Variants in CD200R1 observed in about 807,000 individuals in gnomAD.
CD200R1 encodes the protein CD200 receptor 1, also known as cell surface glycoprotein CD200 receptor 1.
A neutral mutation model predicts 38.1 loss-of-function variants in CD200R1; 30 were observed. The observed-to-expected ratio is 0.79, with a 90% CI of 0.59 to 1.07. The LOEUF is 1.07. Among genes scored for constraint, CD200R1 ranks in the 50% least tolerant of loss-of-function variants. The pLI is 0.00. For missense variants in CD200R1, 372 were observed against 415.4 expected, an observed-to-expected ratio of 0.90 and a Z score of 0.91; for synonymous variants, 128 against 152.1, an observed-to-expected ratio of 0.84 and a Z score of 1.16.
chr3:112,970,779 C>G (rs745633480), intron 1 of CD200R1, among the ~76,000 whole-genome samples: 2 of 152,130 alleles, frequency 1.3e-5, no homozygotes, highest in Non-Finnish European at 2.9e-5. Context: ...TATTGCCATC[C>G]TCAAGCTACT....
At chr3:112,952,225 A>C (rs931900157) in intron 1 of CD200R1, among the ~76,000 whole-genome samples, 7 of 152,108 alleles carry the variant, frequency 4.6e-5, no homozygotes, top group Non-Finnish European at 7.4e-5. Context: ...GGTTAAATTT[A>C]TCTCTTAGTA....
At chr3:112,934,632 C>G (rs1444775281) in intron 2 of CD200R1, among the ~76,000 whole-genome samples, 1 of 152,092 alleles carries the variant, frequency 6.6e-6, no homozygotes, top group South Asian at 2.1e-4. Flanking sequence ...GAGTTTGAGA[C>G]TAGCCCGGCC....
chr3:112,965,955 AG>A (rs148557697), intron 1 of CD200R1, among the ~76,000 whole-genome samples: 21,720 of 152,022 alleles, frequency 0.14, 2,221 homozygotes, highest in African/African-American at 0.29. Context: ...GCGAACAAAA[AG>A]GTTAAGAATT....
intron 7 of CD200R1, 45 bp downstream of exon 7, chr3:112,924,445 A>G (rs2107298921): frequency 7.9e-7 from 1 of 1,267,292 alleles, no homozygotes; most frequent in South Asian, 2.4e-5. Flanking sequence ...AGATTTTCAG[A>G]CTATTGGCTT....
chr3:112,953,767 G>T (rs764519447), intron 1 of CD200R1, among the ~76,000 whole-genome samples: 1 of 151,984 alleles, frequency 6.6e-6, no homozygotes, highest in Non-Finnish European at 1.5e-5. Flanking sequence ...GTGATCCTTT[G>T]TGTTTCTACA....
At chr3:112,956,027 C>T (rs1282691335) in intron 1 of CD200R1, among the ~76,000 whole-genome samples, 2 of 151,798 alleles carry the variant, frequency 1.3e-5, no homozygotes, top group Admixed American at 1.3e-4. Context: ...TTTTGATTTT[C>T]CTTTACCTGA....
At chr3:112,951,260 C>G (rs1014616113) in intron 1 of CD200R1, among the ~76,000 whole-genome samples, 2 of 151,922 alleles carry the variant, frequency 1.3e-5, no homozygotes, top group Non-Finnish European at 2.9e-5. Flanking sequence ...AATTCAGTAA[C>G]AGTTGAAATG....
rs199552998 is a variant in CD200R1 at position 112,935,774 on chromosome 3, AC to A, written c.137-4604del. 1.1e-4 allele frequency among the ~76,000 whole-genome samples: 16 copies of A among 152,296 alleles called. 2 individuals carry two copies. The East Asian group carries it at 3.1e-3, about 29-fold the overall frequency. On this transcript the variant is annotated intron_variant, in intron 2 of 7. Transcript: ENST00000308611. ...TAAAAAGAAATGCAAAAAACCAACA[AC>A]AAAAAAGTTTTGTTTTTTCTGTTTG...
intron 5 of CD200R1, among the ~76,000 whole-genome samples, 192 bp downstream of exon 5, chr3:112,928,624 A>G (rs1254262071): frequency 6.6e-6 from 1 of 152,220 alleles, no homozygotes; most frequent in African/African-American, 2.4e-5. Context: ...ACTGCATTCT[A>G]AAAAAGGGCT....
chr3:112,945,975 G>C (rs1330300635), intron 2 of CD200R1, among the ~76,000 whole-genome samples: 1 of 145,212 alleles, frequency 6.9e-6, no homozygotes, highest in African/African-American at 2.6e-5. Flanking sequence ...GGAGCTTGCA[G>C]TGAGCCAAGA....
chr3:112,962,686 A>T (rs1289155614), intron 1 of CD200R1, among the ~76,000 whole-genome samples: 1 of 152,188 alleles, frequency 6.6e-6, no homozygotes, highest in Non-Finnish European at 1.5e-5. Flanking sequence ...TAACTTTTTA[A>T]AAAAAATTAC....
In CD200R1 at chr3:112,928,861, A is replaced by G; in HGVS notation, c.724T>C (p.Ser242Pro). The G allele has an allele frequency of 6.2e-7, 1 of 1,613,890 alleles. No homozygotes were observed. Among genetic ancestry groups the G allele is most frequent in the South Asian group, 1.1e-5 (1 of 91,072 alleles). The change falls in exon 5 of 8, where the codon TCC (serine) becomes CCC (proline). Residue 242 changes from serine (S) to proline (P), a missense_variant. Physicochemically the swap from Ser to Pro is moderately conservative, Grantham distance 74. Transcript: ENST00000308611. ...AGACTCTTGTTGCCAGTCAAATGGG[A>G]GACGTGGCAGGTCACGGTAGACACA... Reference protein sequence around the residue: ...HNVSTVTCHVSHLTGNKSLYI... With the variant: ...HNVSTVTCHVPHLTGNKSLYI...
intron 1 of CD200R1, among the ~76,000 whole-genome samples, chr3:112,949,360 A>T (rs536166962): frequency 6.6e-6 from 1 of 152,336 alleles, no homozygotes; most frequent in East Asian, 1.9e-4. Context: ...TTCTGGAAAA[A>T]GTTTTAATCT....
In CD200R1 at chr3:112,975,008, C is replaced by A. The variant is rs558162685; in HGVS notation, c.-151G>T. 1.6e-4 allele frequency: 99 copies of A among 638,560 alleles called. 1 individual carries two copies. In the South Asian group the frequency reaches 1.7e-3, roughly 11 times the overall value. 39.6% of individuals were successfully genotyped at this position (638,560 alleles called of 1,614,324 possible). A position where few individuals can be genotyped will look rare whatever the true frequency, so the allele number is the denominator to read the frequency against. ...CAGTGGGGCACTCCCTTCCTTCTAG[C>A]CCCTTCCTTCACGTCTATGTGGTTT... On this transcript the variant is annotated 5_prime_UTR_variant, in exon 1 of 8. Coordinates refer to ENST00000308611, the MANE Select transcript of CD200R1 (RefSeq NM_138806.4).
rs547609216 is a variant in CD200R1 at position 112,934,817 on chromosome 3, C to T, written c.137-3646G>A. The stretch of plus-strand genomic sequence containing the variant: ...TGCACTCCAGCCTGGGTGACAAGAG[C>T]GAAACTCCATCTCAAAAAACCAACT... On this transcript the variant is annotated intron_variant, in intron 2 of 7. Transcript: ENST00000308611. Among the ~76,000 whole-genome samples, 12 of 151,952 alleles carry T rather than the reference C, an allele frequency of 7.9e-5. No individual in the cohort carries two copies. In the South Asian group the frequency reaches 1.2e-3, roughly 16 times the overall value.
At chr3:112,932,780 C>A (rs1041300540) in intron 2 of CD200R1, among the ~76,000 whole-genome samples, 1 of 151,922 alleles carries the variant, frequency 6.6e-6, no homozygotes, top group Non-Finnish European at 1.5e-5. Flanking sequence ...AGTGGACATC[C>A]CCCCCAGGCC....
intron 2 of CD200R1, among the ~76,000 whole-genome samples, chr3:112,932,784 C>G (rs1458968039): frequency 6.6e-6 from 1 of 152,060 alleles, no homozygotes; most frequent in East Asian, 1.9e-4. Flanking sequence ...GACATCCCCC[C>G]CAGGCCAGCC....
At chr3:112,934,689 A>T (rs915540153) in intron 2 of CD200R1, among the ~76,000 whole-genome samples, 4 of 151,920 alleles carry the variant, frequency 2.6e-5, no homozygotes, top group Non-Finnish European at 5.9e-5. Context: ...AATTAGCTGG[A>T]CATGGTGGCG....
At chr3:112,941,494 C>T (rs1445503355) in intron 2 of CD200R1, among the ~76,000 whole-genome samples, 1 of 151,164 alleles carries the variant, frequency 6.6e-6, no homozygotes, top group Admixed American at 6.6e-5. Flanking sequence ...AGATGAGAGC[C>T]CTCATCTAGT....
Sources: gnomAD v4.1 joint callset for allele counts (sites outside exome capture counted in the v4.1 genomes callset) on GRCh38, gnomAD v4.1.1 for gene constraint, MANE v1.5 for transcripts, NCBI Gene and HGNC (gene_info 2026-07-23, HGNC 2026-07-21) for gene names.